PTPRD: variants seen among roughly 807,000 people sequenced by gnomAD.
PTPRD encodes the protein receptor-type tyrosine-protein phosphatase delta.
Under a neutral mutation model 214.5 loss-of-function variants are expected in PTPRD, and 34 were observed. That is an observed-to-expected ratio of 0.16 (90% confidence interval 0.12 to 0.21). The LOEUF (loss-of-function observed/expected upper bound fraction) is 0.21. Among genes scored for constraint, PTPRD ranks in the 10% least tolerant of loss-of-function variants. PTPRD has a pLI of 1.00. For missense variants in PTPRD, 2,545 were observed against 2,398.7 expected, an observed-to-expected ratio of 1.06 and a Z score of -1.27; for synonymous variants, 1,128 against 845.7, an observed-to-expected ratio of 1.33 and a Z score of -5.79.
At chr9:10,293,345 CA>C (rs754543890) in intron 3 of PTPRD, among the ~76,000 whole-genome samples, 1 of 151,752 alleles carries the variant, frequency 6.6e-6, no homozygotes, top group Non-Finnish European at 1.5e-5. Flanking sequence ...CTCTGTATAT[CA>C]ATTTAAAAAC....
chr9:9,213,681 A>T (rs966610701), intron 9 of PTPRD, among the ~76,000 whole-genome samples: 4 of 152,206 alleles, frequency 2.6e-5, no homozygotes, highest in Non-Finnish European at 5.9e-5. Flanking sequence ...AGCATCAAAC[A>T]GTGTCCCTGA....
chr9:8,587,752 A>G (rs1182070122), intron 14 of PTPRD, among the ~76,000 whole-genome samples: 1 of 152,192 alleles, frequency 6.6e-6, no homozygotes, highest in African/African-American at 2.4e-5. Flanking sequence ...AATTTGAAAC[A>G]TGTGTTACAA....
chr9:10,002,376 G>C (rs2154094569), intron 4 of PTPRD, among the ~76,000 whole-genome samples: 1 of 147,846 alleles, frequency 6.8e-6, no homozygotes, highest in Admixed American at 6.8e-5. Context: ...TTTAAATGCT[G>C]AGGTTGGGAG....
chr9:8,978,270 T>G (rs1354359506), intron 11 of PTPRD, among the ~76,000 whole-genome samples: 1 of 152,124 alleles, frequency 6.6e-6, no homozygotes, highest in Non-Finnish European at 1.5e-5. Flanking sequence ...ATGGACAACA[T>G]TCTTCATCGC....
intron 11 of PTPRD, among the ~76,000 whole-genome samples, chr9:8,925,054 T>C (rs942569056): frequency 2.0e-5 from 3 of 152,138 alleles, no homozygotes; most frequent in Admixed American, 6.5e-5. Flanking sequence ...CTAGAGCAAT[T>C]CTTCCTGCTC....
In PTPRD at chr9:8,341,911, T is replaced by G; in HGVS notation, c.4729A>C (p.Lys1577Gln). ...DAMLERIKHE[K>Q]TVDIYGHVTL... Reference sequence around the variant, plus strand: ...ACATGGCCATAAATATCTACAGTTTTTTCATGCTTTATTCTTTCTAACATG... The same window carrying G: ...ACATGGCCATAAATATCTACAGTTTGTTCATGCTTTATTCTTTCTAACATG... The change falls in exon 40 of 46, where the codon AAA becomes CAA. Residue 1577 changes from lysine (K) to glutamine (Q), a missense_variant. Transcript: ENST00000381196. 1 of 1,613,300 alleles carries G rather than the reference T, an allele frequency of 6.2e-7. No homozygotes were observed. Among genetic ancestry groups the G allele is most frequent in the Non-Finnish European group, 8.5e-7 (1 of 1,179,628 alleles).
intron 5 of PTPRD, among the ~76,000 whole-genome samples, chr9:9,915,143 C>T (rs574028431): frequency 5.9e-5 from 9 of 152,248 alleles, no homozygotes; most frequent in South Asian, 2.1e-4. Flanking sequence ...GCTGTAGAAA[C>T]GACATGGAGA....
chr9:8,486,481 A>G (rs1175613729), intron 27 of PTPRD, 132 bp from the exon 28 acceptor site: 2 of 821,234 alleles, frequency 2.4e-6, no homozygotes, highest in Non-Finnish European at 4.3e-6. Context: ...AAAACAGGCA[A>G]TGTTTGACCT....
At chr9:10,397,873 C>G (rs1486450871) in intron 2 of PTPRD, among the ~76,000 whole-genome samples, 1 of 151,860 alleles carries the variant, frequency 6.6e-6, no homozygotes, top group South Asian at 2.1e-4. Flanking sequence ...TAAGTACACT[C>G]CACGATGTTT....
intron 4 of PTPRD, among the ~76,000 whole-genome samples, chr9:9,951,712 G>T (rs1052632770): frequency 6.6e-6 from 1 of 152,222 alleles, no homozygotes; most frequent in Non-Finnish European, 1.5e-5. Flanking sequence ...TGAGGTTTCA[G>T]TATACTTTGA....
At chr9:8,441,993 G>C (rs16927880) in intron 34 of PTPRD, among the ~76,000 whole-genome samples, 8,549 of 152,222 alleles carry the variant, frequency 0.056, 291 homozygotes, top group East Asian at 0.12. Context: ...CAGCAAGACA[G>C]AGATCATAAA....
chr9:9,108,345 C>T (rs2099801501), intron 10 of PTPRD, among the ~76,000 whole-genome samples: 1 of 152,122 alleles, frequency 6.6e-6, no homozygotes, highest in Non-Finnish European at 1.5e-5. Context: ...CTTCATTTGA[C>T]CCAGCAGAGG....
intron 3 of PTPRD, among the ~76,000 whole-genome samples, chr9:10,248,529 A>G (rs956603786): frequency 3.7e-5 from 5 of 134,608 alleles, no homozygotes; most frequent in Admixed American, 3.0e-4. Context: ...AAAAAAAATA[A>G]AAAAAATAAA....
intron 11 of PTPRD, among the ~76,000 whole-genome samples, chr9:8,756,107 C>T (rs766923682): frequency 3.9e-5 from 6 of 152,088 alleles, no homozygotes; most frequent in Non-Finnish European, 8.8e-5. Context: ...GCCCCTGGGG[C>T]CAAGAGAATC....
At chr9:8,915,625 G>T (rs2098780029) in intron 11 of PTPRD, among the ~76,000 whole-genome samples, 2 of 152,294 alleles carry the variant, frequency 1.3e-5, no homozygotes, top group East Asian at 3.9e-4. Context: ...TGATGCGGCA[G>T]CTGTAGCCTG....
At chr9:8,610,999 A>G (rs1198646773) in intron 14 of PTPRD, among the ~76,000 whole-genome samples, 1 of 152,198 alleles carries the variant, frequency 6.6e-6, no homozygotes, top group Non-Finnish European at 1.5e-5. Flanking sequence ...TTCATGTTGA[A>G]ATATTATATG....
At chr9:9,809,886 A>G (rs963347795) in intron 5 of PTPRD, among the ~76,000 whole-genome samples, 1 of 152,204 alleles carries the variant, frequency 6.6e-6, no homozygotes, top group African/African-American at 2.4e-5. Context: ...TATCAAATAC[A>G]TATCAAGTGG....
chr9:8,903,546 TCAA>T (rs1011471664), intron 11 of PTPRD, among the ~76,000 whole-genome samples: 23 of 152,204 alleles, frequency 1.5e-4, no homozygotes, highest in African/African-American at 4.8e-4. Flanking sequence ...ACAAAAATTT[TCAA>T]CAACAAGGAT....
Position 9,446,884 on chromosome 9 carries a change from C to T in PTPRD, c.-236-49402G>A, listed in dbSNP as rs544616282. Among the ~76,000 whole-genome samples, 12 of 152,208 alleles carry T rather than the reference C, an allele frequency of 7.9e-5. No individual in the cohort carries two copies. In the South Asian group the frequency reaches 1.0e-3, roughly 13 times the overall value. ...TGAACAGACACTTTTCAAAAGAAGACATACATGTGGCCAAGAAGCATATGA... is the reference window on the plus strand; with the variant it reads ...TGAACAGACACTTTTCAAAAGAAGATATACATGTGGCCAAGAAGCATATGA... On this transcript the variant is annotated intron_variant, in intron 8 of 45. Coordinates refer to ENST00000381196, the MANE Select transcript of PTPRD (RefSeq NM_002839.4).
Sources: gnomAD v4.1 joint callset for allele counts (sites outside exome capture counted in the v4.1 genomes callset) on GRCh38, gnomAD v4.1.1 for gene constraint, MANE v1.5 for transcripts, NCBI Gene and HGNC (gene_info 2026-07-23, HGNC 2026-07-21) for gene names.